The following C8orf34 variants were observed in gnomAD, a reference collection of about 807,000 sequenced individuals.
The protein encoded by C8orf34 is chromosome 8 open reading frame 34, also known as uncharacterized protein C8orf34.
C8orf34 carries 65 observed loss-of-function variants against 68.3 expected under a neutral mutation model. The observed-to-expected ratio is 0.95, with a 90% CI of 0.78 to 1.17. The LOEUF (loss-of-function observed/expected upper bound fraction) is 1.17. Among genes scored for constraint, C8orf34 ranks in the 50% most tolerant of loss-of-function variants. The pLI is 0.00. For missense variants in C8orf34, 664 were observed against 655.4 expected (o/e 1.01, Z -0.14); for synonymous variants, 244 against 241.2 (o/e 1.01, Z -0.11).
chr8:68,518,737 A>G (rs1477766946), intron 5 of C8orf34, among the ~76,000 whole-genome samples: 1 of 152,052 alleles, frequency 6.6e-6, no homozygotes, highest in Admixed American at 6.6e-5. Flanking sequence ...CTCTACTAAA[A>G]CTACAAAAAT....
At chr8:68,569,810 A>G (rs1006408361) in intron 7 of C8orf34, among the ~76,000 whole-genome samples, 1 of 152,210 alleles carries the variant, frequency 6.6e-6, no homozygotes, top group African/African-American at 2.4e-5. Flanking sequence ...AGCTTCTAAA[A>G]TTGCCTTGAG....
At chr8:68,407,903 C>T (rs1016839163) in intron 1 of C8orf34, among the ~76,000 whole-genome samples, 5 of 152,098 alleles carry the variant, frequency 3.3e-5, no homozygotes, top group Admixed American at 1.3e-4. Flanking sequence ...TCTTATTTTT[C>T]ATGACAACAA....
Position 68,815,931 on chromosome 8 carries a change from C to T in C8orf34, c.1595C>T (p.Thr532Met), listed in dbSNP as rs777122735. The T allele has an allele frequency of 3.8e-5, 61 of 1,613,616 alleles. 1 individual carries two copies. Among genetic ancestry groups the T allele is most frequent in the South Asian group, 3.3e-4 (30 of 91,080 alleles). ...TGCGTTCCATGCTCTTCTTGTCCTA[C>T]GCTGGTCTACTCTGGTATGTTTGCT... is the stretch of plus-strand genomic sequence containing the variant. ...LLCVPCSSCP[T>M]LVYSGL is the part of the protein sequence containing the mutation. The change falls in exon 13 of 14, where the codon ACG (threonine) becomes ATG (methionine). Residue 532 changes from threonine to methionine, a missense_variant. Physicochemically the swap from Thr to Met is moderately conservative, Grantham distance 81. Transcript: ENST00000518698.
At chr8:68,557,566 T>C (rs1816292404) in intron 7 of C8orf34, among the ~76,000 whole-genome samples, 1 of 152,152 alleles carries the variant, frequency 6.6e-6, no homozygotes, top group African/African-American at 2.4e-5. Context: ...ATCTTGCAGG[T>C]AAGTAGCAAA....
At chr8:68,742,558 A>AATGT (rs1471430026) in intron 10 of C8orf34, among the ~76,000 whole-genome samples, 2 of 152,118 alleles carry the variant, frequency 1.3e-5, no homozygotes, top group Non-Finnish European at 2.9e-5. Context: ...CATTTCTAAA[A>AATGT]ATGTACTTCT....
intron 11 of C8orf34, among the ~76,000 whole-genome samples, chr8:68,781,844 G>T (rs1344478661): frequency 6.6e-6 from 1 of 152,146 alleles, no homozygotes; most frequent in Non-Finnish European, 1.5e-5. Context: ...CCAAGCTAAT[G>T]TTCCATTTGT....
At chr8:68,362,577 A>C (rs1807051282) in intron 1 of C8orf34, among the ~76,000 whole-genome samples, 1 of 152,188 alleles carries the variant, frequency 6.6e-6, no homozygotes, top group Non-Finnish European at 1.5e-5. Flanking sequence ...CTGCCTCTTC[A>C]AGTGGGTCCC....
chr8:68,630,019 T>A (rs187613318), intron 7 of C8orf34, among the ~76,000 whole-genome samples: 2 of 152,150 alleles, frequency 1.3e-5, no homozygotes, highest in Non-Finnish European at 2.9e-5. Context: ...TGTCAATAAA[T>A]GTATTCTTCT....
intron 10 of C8orf34, among the ~76,000 whole-genome samples, chr8:68,749,821 G>A (rs990908434): frequency 6.6e-6 from 1 of 152,156 alleles, no homozygotes; most frequent in Non-Finnish European, 1.5e-5. Flanking sequence ...TTTTATTGAT[G>A]AATACTAGTA....
At chr8:68,483,582 C>A (rs2129631225) in intron 4 of C8orf34, among the ~76,000 whole-genome samples, 1 of 152,230 alleles carries the variant, frequency 6.6e-6, no homozygotes, top group South Asian at 2.1e-4. Context: ...TGCTCTTAAA[C>A]AAGGAATAAT....
At chr8:68,711,718 G>A (rs2130970756) in intron 9 of C8orf34, among the ~76,000 whole-genome samples, 1 of 152,300 alleles carries the variant, frequency 6.6e-6, no homozygotes, top group East Asian at 1.9e-4. Flanking sequence ...AATAGTTGGT[G>A]TTCCTGAGGA....
intron 6 of C8orf34, among the ~76,000 whole-genome samples, chr8:68,524,584 CAG>C (rs1467637423): frequency 3.9e-5 from 6 of 152,244 alleles, no homozygotes; most frequent in African/African-American, 1.4e-4. Flanking sequence ...ATTCACCGAA[CAG>C]AGAGGTGAAT....
intron 1 of C8orf34, among the ~76,000 whole-genome samples, chr8:68,408,946 A>G (rs912082813): frequency 2.0e-5 from 3 of 151,830 alleles, no homozygotes; most frequent in South Asian, 2.1e-4. Flanking sequence ...ACGCCACCAT[A>G]CCTGGCTAAT....
intron 5 of C8orf34, among the ~76,000 whole-genome samples, chr8:68,515,976 A>G (rs775888395): frequency 6.6e-6 from 1 of 152,224 alleles, no homozygotes; most frequent in African/African-American, 2.4e-5. Flanking sequence ...ATTGATGTGT[A>G]TAGATCAATG....
At chr8:68,635,080 C>T (rs142093564) in intron 7 of C8orf34, among the ~76,000 whole-genome samples, 17 of 152,216 alleles carry the variant, frequency 1.1e-4, no homozygotes, top group African/African-American at 4.1e-4. Flanking sequence ...GCTAGGAAAT[C>T]CTCAAAAATT....
chr8:68,679,709 A>T (rs1194457534), intron 8 of C8orf34, among the ~76,000 whole-genome samples: 3 of 152,188 alleles, frequency 2.0e-5, no homozygotes, highest in Non-Finnish European at 4.4e-5. Context: ...ATAAAACAAC[A>T]TGGTACTGGC....
At chr8:68,621,088 A>T (rs1818375495) in intron 7 of C8orf34, among the ~76,000 whole-genome samples, 1 of 152,182 alleles carries the variant, frequency 6.6e-6, no homozygotes, top group Non-Finnish European at 1.5e-5. Context: ...GTTCTTCATA[A>T]TTTCAAAAGT....
At chr8:68,467,365 C>T (rs958698474) in intron 3 of C8orf34, among the ~76,000 whole-genome samples, 1 of 151,996 alleles carries the variant, frequency 6.6e-6, no homozygotes, top group African/African-American at 2.4e-5. Context: ...TAATGCTTTG[C>T]CAAACCCTGC....
chr8:68,741,303 A>G (rs1248236539), intron 10 of C8orf34, among the ~76,000 whole-genome samples: 1 of 152,172 alleles, frequency 6.6e-6, no homozygotes, highest in African/African-American at 2.4e-5. Flanking sequence ...AAACAATTTT[A>G]TTTCATTTTA....
Sources: gnomAD v4.1 joint callset for allele counts (sites outside exome capture counted in the v4.1 genomes callset) on GRCh38, gnomAD v4.1.1 for gene constraint, MANE v1.5 for transcripts, NCBI Gene and HGNC (gene_info 2026-07-23, HGNC 2026-07-21) for gene names.